NAALADL2: variants seen among roughly 807,000 people sequenced by gnomAD.
NAALADL2 encodes inactive N-acetylated-alpha-linked acidic dipeptidase-like protein 2.
NAALADL2 carries 76 observed loss-of-function variants against 87.2 expected under a neutral mutation model. The observed-to-expected ratio is 0.87, with a 90% confidence interval of 0.72 to 1.05. The LOEUF (loss-of-function observed/expected upper bound fraction) is 1.05, where lower values mean the gene tolerates loss of function less well. NAALADL2 is among the 50% of genes least tolerant of loss of function. The pLI, the probability that NAALADL2 is intolerant of heterozygous loss-of-function variation, is 0.00. For missense variants in NAALADL2, 1,089 were observed against 945.8 expected (o/e 1.15, Z -1.99); for synonymous variants, 354 against 331.0 (o/e 1.07, Z -0.75).
At chr3:175,539,689 AG>A (rs1711958533) in intron 9 of NAALADL2, among the ~76,000 whole-genome samples, 2 of 152,054 alleles carry the variant, frequency 1.3e-5, no homozygotes, top group Admixed American at 1.3e-4. Context: ...GAATCATAAT[AG>A]GGCTTTAAAA....
chr3:175,108,818 A>C (rs1257635247), intron 2 of NAALADL2, among the ~76,000 whole-genome samples: 1 of 151,960 alleles, frequency 6.6e-6, no homozygotes, highest in African/African-American at 2.4e-5. Flanking sequence ...GAGCAAAGAT[A>C]GACAAATATT....
intron 11 of NAALADL2, among the ~76,000 whole-genome samples, chr3:175,684,929 A>G (rs1736066799): frequency 6.6e-6 from 1 of 152,228 alleles, no homozygotes; most frequent in Non-Finnish European, 1.5e-5. Context: ...AAGAGCTTGT[A>G]GTTAAAATCT....
At chr3:174,513,054 C>T (rs1057345821) in intron 1 of NAALADL2, among the ~76,000 whole-genome samples, 3 of 151,828 alleles carry the variant, frequency 2.0e-5, no homozygotes, top group Non-Finnish European at 4.4e-5. Flanking sequence ...CTCTGCCTCC[C>T]GGGTTCAAGC....
intron 3 of NAALADL2, among the ~76,000 whole-genome samples, chr3:174,774,329 G>C (rs1714944280): frequency 6.6e-6 from 1 of 152,144 alleles, no homozygotes; most frequent in African/African-American, 2.4e-5. Flanking sequence ...TTCTTAGGTA[G>C]ACTCACGTGC....
intron 3 of NAALADL2, among the ~76,000 whole-genome samples, chr3:174,751,858 A>ATGTGTG (rs148978072): frequency 6.6e-6 from 1 of 151,058 alleles, no homozygotes; most frequent in African/African-American, 2.4e-5. Context: ...TTATGTATGT[A>ATGTGTG]TGTGTGTGTG....
chr3:175,763,901 A>T (rs1748352623), intron 13 of NAALADL2, among the ~76,000 whole-genome samples: 1 of 152,072 alleles, frequency 6.6e-6, no homozygotes, highest in South Asian at 2.1e-4. Context: ...TTACAAAAGG[A>T]TAGGAAATTT....
intron 8 of NAALADL2, among the ~76,000 whole-genome samples, 188 bp downstream of exon 8, chr3:175,467,372 C>T (rs933832347): frequency 2.5e-4 from 30 of 119,288 alleles, no homozygotes; most frequent in Admixed American, 1.4e-3. Flanking sequence ...CTACGTATGA[C>T]CTTCAAATAT....
intron 3 of NAALADL2, among the ~76,000 whole-genome samples, chr3:174,745,177 TAATAA>T (rs973792057): frequency 1.3e-5 from 2 of 149,250 alleles, no homozygotes; most frequent in African/African-American, 4.9e-5. Flanking sequence ...TTGAAAAAAA[TAATAA>T]AATAGACCAC....
In NAALADL2 at chr3:175,494,180, A is replaced by G. The variant is rs578013891; in HGVS notation, c.1653+22422A>G. Among the ~76,000 whole-genome samples the G allele has an allele frequency of 2.0e-5, 3 of 152,216 alleles. No individual in the cohort carries two copies. In the East Asian group the frequency reaches 5.8e-4, roughly 29 times the overall value. ...GCTTCTCATAAACCTTTTACATACT[A>G]TATATAAACAACCTGATTTTTACTT... On this transcript the variant is annotated intron_variant, in intron 9 of 13. Transcript: ENST00000454872.
chr3:174,769,800 T>C (rs1455927339), intron 3 of NAALADL2, among the ~76,000 whole-genome samples: 4 of 151,710 alleles, frequency 2.6e-5, no homozygotes, highest in Non-Finnish European at 4.4e-5. Flanking sequence ...TATTTATTTC[T>C]TTAAAAACAT....
At chr3:175,372,665 G>A (rs1766654758) in intron 5 of NAALADL2, among the ~76,000 whole-genome samples, 2 of 152,066 alleles carry the variant, frequency 1.3e-5, no homozygotes, top group Admixed American at 1.3e-4. Context: ...AACTAAAATG[G>A]GATTTGATGA....
At chr3:174,779,208 T>C (rs2109139525) in intron 3 of NAALADL2, among the ~76,000 whole-genome samples, 1 of 152,342 alleles carries the variant, frequency 6.6e-6, no homozygotes, top group Admixed American at 6.5e-5. Flanking sequence ...GTGGTTTTGA[T>C]TTGCATTTCT....
At chr3:175,467,523 C>T (rs963862323) in intron 8 of NAALADL2, among the ~76,000 whole-genome samples, 3 of 152,180 alleles carry the variant, frequency 2.0e-5, no homozygotes, top group African/African-American at 7.2e-5. Context: ...TATTATTTTT[C>T]TTTTTCTACA....
chr3:174,862,092 A>G, intron 1 of NAALADL2, among the ~76,000 whole-genome samples: 1 of 152,114 alleles, frequency 6.6e-6, no homozygotes, highest in East Asian at 1.9e-4. Flanking sequence ...CATAAAATAA[A>G]TTATCTAGGT....
intron 1 of NAALADL2, among the ~76,000 whole-genome samples, chr3:175,022,793 C>A (rs1751725963): frequency 6.6e-6 from 1 of 152,056 alleles, no homozygotes; most frequent in South Asian, 2.1e-4. Flanking sequence ...AGAAAGACTG[C>A]TCAAAGCACA....
At chr3:174,807,869 T>TTGTGTGTGTGTGTGTGTG (rs374956917) in intron 3 of NAALADL2, among the ~76,000 whole-genome samples, 273 of 149,944 alleles carry the variant, frequency 1.8e-3, no homozygotes, top group African/African-American at 5.5e-3. Context: ...ATTATTTTCA[T>TTGTGTGTGTGTGTGTGTG]TGTGTGTGTG....
At chr3:174,444,349 G>T (rs1577925803) in intron 1 of NAALADL2, among the ~76,000 whole-genome samples, 1 of 152,128 alleles carries the variant, frequency 6.6e-6, no homozygotes. Flanking sequence ...TGAGATCCAG[G>T]TGTGGTACAT....
At chr3:175,718,272 T>C in intron 11 of NAALADL2, 1 of 1,524,356 alleles carries the variant, frequency 6.6e-7, no homozygotes, top group Non-Finnish European at 9.0e-7. Flanking sequence ...GAGTTTCATA[T>C]TTTCTTTAGA....
intron 2 of NAALADL2, among the ~76,000 whole-genome samples, chr3:174,723,426 G>A (rs1161592816): frequency 2.0e-5 from 3 of 151,938 alleles, no homozygotes; most frequent in African/African-American, 4.8e-5. Context: ...TTATTGAAAC[G>A]ATCCAACAAA....
Sources: allele counts gnomAD v4.1 joint callset (sites outside exome capture counted in the v4.1 genomes callset), GRCh38; gene constraint gnomAD v4.1.1; transcripts MANE v1.5; gene names NCBI Gene and HGNC (gene_info 2026-07-23, HGNC 2026-07-21).